LRRC4C: variants seen among roughly 807,000 people sequenced by gnomAD.
The protein encoded by LRRC4C is leucine-rich repeat-containing protein 4C.
A neutral mutation model predicts 33.6 loss-of-function variants in LRRC4C; 5 were observed. The ratio of observed to expected loss-of-function variants is 0.15; its 90% CI spans 0.08 to 0.31. The LOEUF is 0.31. LRRC4C is among the 10% of genes least tolerant of loss of function. The pLI is 1.00. For synonymous variants in LRRC4C, 329 were observed against 302.0 expected (o/e 1.09, Z -0.93); for missense variants, 560 against 796.7 (o/e 0.70, Z 3.58).
chr11:40,322,437 G>A (rs1290068234), intron 3 of LRRC4C, among the ~76,000 whole-genome samples: 1 of 152,012 alleles, frequency 6.6e-6, no homozygotes, highest in Non-Finnish European at 1.5e-5. Flanking sequence ...GTAGAGATGG[G>A]GTGTTGCCAT....
At chr11:40,294,956 T>A (rs1205757095) in intron 4 of LRRC4C, among the ~76,000 whole-genome samples, 5 of 152,182 alleles carry the variant, frequency 3.3e-5, no homozygotes, top group African/African-American at 1.2e-4. Context: ...AGGAAGCAAC[T>A]GTAAAGGCGA....
At chr11:41,240,812 AACAC>A (rs1330939031) in intron 1 of LRRC4C, among the ~76,000 whole-genome samples, 1 of 152,068 alleles carries the variant, frequency 6.6e-6, no homozygotes. Context: ...TGAGAGAAGT[AACAC>A]ACACGCACAC....
At chr11:40,197,731 T>G (rs1265481608) in intron 5 of LRRC4C, among the ~76,000 whole-genome samples, 2 of 152,196 alleles carry the variant, frequency 1.3e-5, no homozygotes, top group Non-Finnish European at 2.9e-5. Context: ...ATATAATCTA[T>G]TGCATTAGAC....
intron 1 of LRRC4C, among the ~76,000 whole-genome samples, chr11:41,053,325 G>A (rs1858388056): frequency 6.6e-6 from 1 of 152,186 alleles, no homozygotes; most frequent in South Asian, 2.1e-4. Flanking sequence ...AGGCCCATGT[G>A]GCAAGGAACT....
intron 2 of LRRC4C, among the ~76,000 whole-genome samples, chr11:40,788,240 C>T (rs1470815354): frequency 2.0e-5 from 3 of 152,116 alleles, no homozygotes; most frequent in South Asian, 2.1e-4. Flanking sequence ...GATGATCTGC[C>T]TTTCCCTGAA....
intron 5 of LRRC4C, among the ~76,000 whole-genome samples, chr11:40,163,370 C>T (rs1859324358): frequency 6.6e-6 from 1 of 152,124 alleles, no homozygotes; most frequent in African/African-American, 2.4e-5. Flanking sequence ...GTCACCACCT[C>T]CTTCAATGTC....
chr11:40,924,855 G>A (rs1957348189), intron 2 of LRRC4C, among the ~76,000 whole-genome samples: 1 of 152,052 alleles, frequency 6.6e-6, no homozygotes, highest in African/African-American at 2.4e-5. Flanking sequence ...CATGAAGAGA[G>A]GGACCTCCTC....
intron 2 of LRRC4C, among the ~76,000 whole-genome samples, chr11:40,660,265 T>C (rs1386755940): frequency 6.6e-6 from 1 of 152,110 alleles, no homozygotes; most frequent in Non-Finnish European, 1.5e-5. Flanking sequence ...ACACAACCCT[T>C]GCCACTCAGC....
chr11:41,141,322 G>C (rs1199780729), intron 1 of LRRC4C, among the ~76,000 whole-genome samples: 1 of 151,798 alleles, frequency 6.6e-6, no homozygotes, highest in Non-Finnish European at 1.5e-5. Context: ...GCTCCCAACA[G>C]AGCCACTCTA....
chr11:40,531,775 A>C (rs1018913600), intron 3 of LRRC4C, among the ~76,000 whole-genome samples: 1 of 151,796 alleles, frequency 6.6e-6, no homozygotes, highest in African/African-American at 2.4e-5. Context: ...GATCAAAGAG[A>C]CTCATTATAT....
intron 1 of LRRC4C, among the ~76,000 whole-genome samples, chr11:41,192,678 A>C (rs1026712039): frequency 6.6e-6 from 1 of 152,096 alleles, no homozygotes; most frequent in Non-Finnish European, 1.5e-5. Context: ...ACGTGAATGC[A>C]GAATTGCTAT....
intron 3 of LRRC4C, among the ~76,000 whole-genome samples, chr11:40,490,156 A>T (rs1347261223): frequency 6.6e-6 from 1 of 152,214 alleles, no homozygotes; most frequent in Non-Finnish European, 1.5e-5. Context: ...TAACTAAAAA[A>T]AGTAGTAGTT....
rs189552708 is a variant in LRRC4C, at chr11:40,330,006, G to C, written c.-269-10285C>G. Among the ~76,000 whole-genome samples, 131 of 152,222 alleles carry C rather than the reference G, an allele frequency of 8.6e-4. 1 individual carries two copies. The highest frequency in any genetic ancestry group is 2.9e-3 in the African/African-American group (119 of 41,530). ...TCCACCCACTTCGGCCTCCCAAAGTGCTGGGATTACAGGCGTGAGCCACCA... is the reference window on the plus strand; with the variant it reads ...TCCACCCACTTCGGCCTCCCAAAGTCCTGGGATTACAGGCGTGAGCCACCA... On this transcript the variant is annotated intron_variant, in intron 3 of 6. Coordinates refer to ENST00000528697, the MANE Select transcript of LRRC4C (RefSeq NM_001258419.2).
intron 1 of LRRC4C, among the ~76,000 whole-genome samples, chr11:41,016,985 C>A (rs1855630813): frequency 6.6e-6 from 1 of 152,058 alleles, no homozygotes; most frequent in Non-Finnish European, 1.5e-5. Context: ...TAGTGTATAT[C>A]AATCAAAACA....
chr11:40,356,750 T>C (rs991497293), intron 3 of LRRC4C, among the ~76,000 whole-genome samples: 11 of 152,168 alleles, frequency 7.2e-5, no homozygotes, highest in African/African-American at 2.7e-4. Flanking sequence ...AAATTATTTA[T>C]TACATTATAT....
rs1182568327 is a variant in LRRC4C at position 41,198,641 on chromosome 11, G to A, written c.-496+260790C>T. 4.6e-5 allele frequency among the ~76,000 whole-genome samples: 7 copies of A among 151,906 alleles called. No individual in the cohort carries two copies. The South Asian group carries it at 1.0e-3, about 23-fold the overall frequency. ...AGGGGAGAGGAAAAAAAAGTATGGA[G>A]GGAAATAGAAAAACACACACTCAAT... On this transcript the variant is annotated intron_variant, in intron 1 of 6. Transcript: ENST00000528697.
chr11:40,502,397 C>T (rs747304382), intron 3 of LRRC4C, among the ~76,000 whole-genome samples: 1 of 152,098 alleles, frequency 6.6e-6, no homozygotes, highest in East Asian at 1.9e-4. Flanking sequence ...TAAAGACATA[C>T]TGGAGACGGG....
intron 2 of LRRC4C, among the ~76,000 whole-genome samples, chr11:40,705,471 C>G (rs1946110754): frequency 6.6e-6 from 1 of 151,512 alleles, no homozygotes; most frequent in Admixed American, 6.6e-5. Flanking sequence ...GTTTTCTGTC[C>G]TTGCCATAGT....
chr11:41,314,743 C>T (rs1249445933), intron 1 of LRRC4C, among the ~76,000 whole-genome samples: 1 of 151,884 alleles, frequency 6.6e-6, no homozygotes, highest in Non-Finnish European at 1.5e-5. Flanking sequence ...CACATGTATA[C>T]CTATGTATCA....
Sources: allele counts gnomAD v4.1 joint callset (sites outside exome capture counted in the v4.1 genomes callset), GRCh38; gene constraint gnomAD v4.1.1; transcripts MANE v1.5; gene names NCBI Gene and HGNC (gene_info 2026-07-23, HGNC 2026-07-21).